Variants in ROBO2 observed in about 807,000 individuals in gnomAD.
ROBO2 encodes roundabout guidance receptor 2, also known as roundabout homolog 2.
Under a neutral mutation model 160.8 loss-of-function variants are expected in ROBO2, and 53 were observed. That is an observed-to-expected ratio of 0.33 (90% CI 0.26 to 0.41). The LOEUF is 0.41. Ranked by LOEUF, ROBO2 falls within the 10% of genes least tolerant of loss-of-function variation. ROBO2 has a pLI of 1.00. For synonymous variants in ROBO2, 664 were observed against 611.7 expected (o/e 1.09, Z -1.26); for missense variants, 1,577 against 1,722.4 (o/e 0.92, Z 1.49).
intron 2 of ROBO2, among the ~76,000 whole-genome samples, chr3:77,337,930 C>A (rs1210374044): frequency 2.6e-5 from 4 of 152,098 alleles, no homozygotes; most frequent in Admixed American, 2.0e-4. Flanking sequence ...CCAGCATAAC[C>A]AAGTTTGTTA....
At chr3:77,429,944 C>G (rs2078607484) in intron 2 of ROBO2, among the ~76,000 whole-genome samples, 1 of 152,122 alleles carries the variant, frequency 6.6e-6, no homozygotes, top group African/African-American at 2.4e-5. Flanking sequence ...GTGGGAGCCC[C>G]TGGCCCACTC....
chr3:77,040,495 C>G, exon 1 of ROBO2: 1 of 1,300,374 alleles, frequency 7.7e-7, no homozygotes, highest in Non-Finnish European at 9.8e-7. Flanking sequence ...GTTAGACACA[C>G]TCGAATAATC....
chr3:77,566,020 G>T (rs940969042), intron 12 of ROBO2, among the ~76,000 whole-genome samples: 1 of 151,986 alleles, frequency 6.6e-6, no homozygotes, highest in Non-Finnish European at 1.5e-5. Context: ...TTCAGAAAGG[G>T]TTAATTATTT....
intron 2 of ROBO2, among the ~76,000 whole-genome samples, chr3:76,438,315 A>C (rs1168657830): frequency 1.3e-5 from 2 of 152,006 alleles, no homozygotes; most frequent in Non-Finnish European, 2.9e-5. Context: ...CTGTATTTAG[A>C]AAATTTTATG....
At chr3:76,253,589 G>T (rs371965084) in intron 2 of ROBO2, among the ~76,000 whole-genome samples, 6 of 149,606 alleles carry the variant, frequency 4.0e-5, no homozygotes, top group African/African-American at 1.5e-4. Context: ...TAATATCTAA[G>T]ATATTATCTA....
At chr3:76,193,910 C>G (rs1175384003) in intron 2 of ROBO2, among the ~76,000 whole-genome samples, 1 of 152,072 alleles carries the variant, frequency 6.6e-6, no homozygotes, top group Non-Finnish European at 1.5e-5. Flanking sequence ...TACACATTAT[C>G]ACTATTTTTT....
At chr3:76,719,998 T>C (rs749678838) in intron 2 of ROBO2, among the ~76,000 whole-genome samples, 1 of 152,158 alleles carries the variant, frequency 6.6e-6, no homozygotes, top group African/African-American at 2.4e-5. Context: ...GATACTGTTA[T>C]GGACTAAATA....
Position 77,386,591 on chromosome 3 carries a change from T to C in ROBO2, c.389-90823T>C, listed in dbSNP as rs570278402. On this transcript the variant is annotated intron_variant, in intron 2 of 25. Coordinates refer to ENST00000461745, the Ensembl canonical transcript of ROBO2. ...GTTAAAACTCAGAGTTAATTATTTT[T>C]TCAGCCAGGTAATTTTTTTTTTTTT... Among the ~76,000 whole-genome samples the C allele has an allele frequency of 1.8e-4, 26 of 146,490 alleles. 1 individual carries two copies. The South Asian group carries it at 5.4e-3, about 30-fold the overall frequency.
chr3:77,593,537 CAT>C (rs1186870721), intron 17 of ROBO2, among the ~76,000 whole-genome samples: 1 of 152,076 alleles, frequency 6.6e-6, no homozygotes, highest in East Asian at 1.9e-4. Context: ...AGATATTACA[CAT>C]AAAATTGATA....
At chr3:77,285,518 C>G (rs1235431856) in intron 2 of ROBO2, among the ~76,000 whole-genome samples, 2 of 152,152 alleles carry the variant, frequency 1.3e-5, no homozygotes, top group African/African-American at 4.8e-5. Context: ...CCAGCCTTGT[C>G]TCCTATACCA....
At chr3:76,244,484 AAATC>A (rs1425457218) in intron 2 of ROBO2, among the ~76,000 whole-genome samples, 1 of 152,216 alleles carries the variant, frequency 6.6e-6, no homozygotes. Context: ...CAATGGAGAA[AAATC>A]AATCAAGCCC....
At chr3:77,279,595 T>A (rs1179320498) in intron 2 of ROBO2, among the ~76,000 whole-genome samples, 1 of 152,158 alleles carries the variant, frequency 6.6e-6, no homozygotes, top group Non-Finnish European at 1.5e-5. Context: ...GTTGTTTTAG[T>A]TAAATGTTGA....
chr3:76,803,540 G>A (rs1290430682), intron 2 of ROBO2, among the ~76,000 whole-genome samples: 4 of 151,434 alleles, frequency 2.6e-5, no homozygotes, highest in African/African-American at 7.3e-5. Flanking sequence ...AGAAAGGAAA[G>A]TAGGAAAAGA....
Position 76,194,345 on chromosome 3 carries a change from GGT to G in ROBO2, c.109+256748_109+256749del, listed in dbSNP as rs201557774. 2.6e-3 allele frequency among the ~76,000 whole-genome samples: 75 copies of G among 29,198 alleles called. 2 individuals are homozygous for G. The highest frequency in any genetic ancestry group is 8.3e-3 in the African/African-American group (65 of 7,814). 19.2% of individuals were successfully genotyped at this position (29,198 alleles called of 152,430 possible). A position where few individuals can be genotyped will look rare whatever the true frequency, so the allele number is the denominator to read the frequency against. On this transcript the variant is annotated intron_variant, in intron 2 of 26. Coordinates refer to the ROBO2 transcript ENST00000487694. ...TATATATATCTATATAAATATGTAT[GGT>G]GTGTAAATATATATATATATATATA...
In ROBO2 at chr3:77,397,971, C is replaced by A. The variant is rs192737185; in HGVS notation, c.389-79443C>A. 2.6e-4 allele frequency among the ~76,000 whole-genome samples: 40 copies of A among 152,046 alleles called. No individual in the cohort carries two copies. The East Asian group carries it at 5.2e-3, about 20-fold the overall frequency. On this transcript the variant is annotated intron_variant, in intron 2 of 25. Transcript: ENST00000461745. ...AGATAATTTTTAAACCACTATTAAT[C>A]CTAGTACTTAAATGAAATGTCTTTA... is the stretch of plus-strand genomic sequence containing the variant.
At chr3:76,045,995 T>G (rs60466864) in intron 2 of ROBO2, among the ~76,000 whole-genome samples, 7,278 of 151,952 alleles carry the variant, frequency 0.048, 472 homozygotes, top group African/African-American at 0.13. Flanking sequence ...TCCCAAAATT[T>G]TTTCCCGAGG....
chr3:76,370,747 C>T (rs1048908848), intron 2 of ROBO2, among the ~76,000 whole-genome samples: 3 of 151,884 alleles, frequency 2.0e-5, no homozygotes, highest in Admixed American at 6.6e-5. Flanking sequence ...AGGGCAGCAA[C>T]AAAAATAAAA....
chr3:76,328,344 T>G (rs773977820), intron 2 of ROBO2, among the ~76,000 whole-genome samples: 4 of 152,210 alleles, frequency 2.6e-5, no homozygotes, highest in Admixed American at 2.6e-4. Context: ...TTGTGGTAAC[T>G]AGGTAATTTG....
At chr3:76,551,954 C>G (rs2083448330) in intron 2 of ROBO2, among the ~76,000 whole-genome samples, 1 of 152,040 alleles carries the variant, frequency 6.6e-6, no homozygotes, top group Non-Finnish European at 1.5e-5. Flanking sequence ...CAGTGTGAGC[C>G]AAGTGCAGCC....
Sources: gnomAD v4.1 joint callset for allele counts (sites outside exome capture counted in the v4.1 genomes callset) on GRCh38, gnomAD v4.1.1 for gene constraint, MANE v1.5 for transcripts, NCBI Gene and HGNC (gene_info 2026-07-23, HGNC 2026-07-21) for gene names.